Variants in TLE1 observed in about 807,000 individuals in gnomAD.
TLE1 encodes TLE family member 1, transcriptional corepressor.
In TLE1, 21 loss-of-function variants were observed where a neutral mutation model predicts 89.8. The observed-to-expected ratio is 0.23, with a 90% CI of 0.17 to 0.34. The LOEUF (loss-of-function observed/expected upper bound fraction) is 0.34, where lower values mean the gene tolerates loss of function less well. TLE1 is among the 10% of genes least tolerant of loss of function. The probability of loss-of-function intolerance (pLI) is 1.00; values close to 1 mark genes in which losing one functional copy is unlikely to be tolerated. For missense variants in TLE1, 795 were observed against 1,031.2 expected, an observed-to-expected ratio of 0.77 and a Z score of 3.14; for synonymous variants, 447 against 407.6, an observed-to-expected ratio of 1.10 and a Z score of -1.16.
intron 14 of TLE1, chr9:81,599,801 C>A (rs1830677615): frequency 3.2e-6 from 1 of 314,890 alleles, no homozygotes; most frequent in African/African-American, 2.1e-5. Context: ...TCTGTGTTAA[C>A]GGAGGGCTTT....
At chr9:81,678,578 G>A (rs914833412) in intron 4 of TLE1, among the ~76,000 whole-genome samples, 3 of 152,054 alleles carry the variant, frequency 2.0e-5, no homozygotes, top group Admixed American at 2.0e-4. Context: ...ACTTTGGGAG[G>A]CTGAGGCACG....
chr9:81,672,722 C>T (rs909071933), intron 4 of TLE1, among the ~76,000 whole-genome samples: 2 of 152,076 alleles, frequency 1.3e-5, no homozygotes, highest in Middle Eastern at 3.2e-3. Flanking sequence ...TAATTCCATA[C>T]CCTGCTTGTT....
intron 8 of TLE1, 34 bp downstream of exon 8, chr9:81,633,305 GTGTGTGTGT>G (rs1464240624): frequency 1.3e-6 from 2 of 1,584,272 alleles, no homozygotes; most frequent in Non-Finnish European, 1.7e-6. Flanking sequence ...GTGTGTGTGT[GTGTGTGTGT>G]GTGTGTGTGT....
intron 8 of TLE1, chr9:81,620,758 C>T: frequency 1.0e-6 from 1 of 985,098 alleles, no homozygotes; most frequent in East Asian, 1.1e-4. Flanking sequence ...ACTTTGCAAT[C>T]AAACCATCCA....
chr9:81,661,198 ATGTATT>A (rs970549688), intron 4 of TLE1, among the ~76,000 whole-genome samples: 10 of 50,486 alleles, frequency 2.0e-4, no homozygotes, highest in Non-Finnish European at 4.0e-4. Context: ...TTATATATAT[ATGTATT>A]TTTATATATA....
rs752204237 is a variant in TLE1 at position 81,616,022 on chromosome 9, G to A, written c.878C>T (p.Ser293Leu). 1.4e-5 allele frequency: 22 copies of A among 1,613,670 alleles called. No individual in the cohort carries two copies. The highest frequency in any genetic ancestry group is 2.2e-5 in the East Asian group (1 of 44,880). ...GGATTTCAAAGAAGTGGAACTTGCC[G>A]AGGAGGCCGTGGAAGCTGGACTGCT... Reference protein sequence around the residue: ...ASSSPASTASSASSTSLKSKE... With the variant: ...ASSSPASTASLASSTSLKSKE... The change falls in exon 11 of 20, where the codon TCG becomes TTG. Residue 293 changes from serine to leucine, a missense_variant. Physicochemically the swap from Ser to Leu is moderately radical, Grantham distance 145. Transcript: ENST00000376499.
At chr9:81,607,022 G>A (rs1272260694) in intron 14 of TLE1, among the ~76,000 whole-genome samples, 2 of 144,464 alleles carry the variant, frequency 1.4e-5, no homozygotes, top group African/African-American at 5.2e-5. Flanking sequence ...CCAGGAGTTT[G>A]AAACCAGCCT....
At chr9:81,606,850 T>C (rs771689269) in intron 14 of TLE1, among the ~76,000 whole-genome samples, 1 of 150,944 alleles carries the variant, frequency 6.6e-6, no homozygotes, top group Admixed American at 6.6e-5. Flanking sequence ...CTGGCAACAA[T>C]GGCAAAGTTC....
At chr9:81,648,776 C>G (rs1829182921) in intron 6 of TLE1, among the ~76,000 whole-genome samples, 1 of 152,110 alleles carries the variant, frequency 6.6e-6, no homozygotes, top group Non-Finnish European at 1.5e-5. Flanking sequence ...CATTTAATAA[C>G]CAATTTTGTT....
chr9:81,624,579 A>G (rs536040813), intron 8 of TLE1, among the ~76,000 whole-genome samples: 2 of 152,280 alleles, frequency 1.3e-5, no homozygotes, highest in South Asian at 2.1e-4. Flanking sequence ...TTTGATCAAC[A>G]TGAGAACCAG....
intron 15 of TLE1, among the ~76,000 whole-genome samples, chr9:81,591,964 G>C (rs1234505475): frequency 2.0e-5 from 3 of 152,240 alleles, no homozygotes; most frequent in Non-Finnish European, 2.9e-5. Context: ...CAACAGCAGA[G>C]TGCAGGCAGA....
intron 8 of TLE1, among the ~76,000 whole-genome samples, chr9:81,630,314 T>C (rs952765973): frequency 3.3e-5 from 5 of 152,290 alleles, no homozygotes; most frequent in Middle Eastern, 3.4e-3. Context: ...CCAGCTATCC[T>C]CTTTAAAACT....
At position 81,676,557 on chromosome 9, in the gene TLE1, AGGAT is replaced by A. The variant is rs1832927884; in HGVS notation, c.234+9115_234+9118del. 2.0e-5 allele frequency among the ~76,000 whole-genome samples: 3 copies of A among 152,234 alleles called. No homozygotes were observed. In the South Asian group the frequency reaches 6.2e-4, roughly 32 times the overall value. On this transcript the variant is annotated intron_variant, in intron 4 of 19. Transcript: ENST00000376499. ...TTCAGCAAGAAGAGGCCTATTTGGCAGGATAAAAGGAAATGCAGGAAGAGAAAGA... is the reference window on the plus strand; with the variant it reads ...TTCAGCAAGAAGAGGCCTATTTGGCAAAAAGGAAATGCAGGAAGAGAAAGA...
chr9:81,647,999 C>T (rs942374186), intron 6 of TLE1, among the ~76,000 whole-genome samples: 11 of 152,110 alleles, frequency 7.2e-5, no homozygotes, highest in South Asian at 4.1e-4. Context: ...TGGGCAGGCA[C>T]GGTGGCTTAC....
Position 81,616,627 on chromosome 9 carries a change from T to G in TLE1, c.765+19A>C. The G allele has an allele frequency of 6.2e-7, 1 of 1,613,228 alleles. No homozygotes were observed. Among genetic ancestry groups the G allele is most frequent in the Non-Finnish European group, 8.5e-7 (1 of 1,179,536 alleles). On this transcript the variant is annotated intron_variant, in intron 10 of 19. Coordinates refer to ENST00000376499, the MANE Select transcript of TLE1 (RefSeq NM_005077.5). ...TTCAAATCATTCTGAAGACAAACTT[T>G]GATGAAAAGAATGGTTACCTCATTA...
intron 6 of TLE1, among the ~76,000 whole-genome samples, chr9:81,636,051 T>C (rs1827319597): frequency 6.6e-6 from 1 of 152,274 alleles, no homozygotes; most frequent in South Asian, 2.1e-4. Context: ...TTATAAACTT[T>C]CATTCTTTTC....
At chr9:81,643,545 G>A (rs1828438988) in intron 6 of TLE1, among the ~76,000 whole-genome samples, 1 of 151,606 alleles carries the variant, frequency 6.6e-6, no homozygotes, top group African/African-American at 2.4e-5. Context: ...CCTTTGTTTT[G>A]TTTTCTTAGA....
intron 6 of TLE1, among the ~76,000 whole-genome samples, chr9:81,649,588 A>G (rs1167977245): frequency 1.3e-5 from 2 of 152,114 alleles, no homozygotes; most frequent in African/African-American, 4.8e-5. Flanking sequence ...TTAAATTACT[A>G]TTTCTTTTCT....
At chr9:81,626,832 C>T (rs1038194710) in intron 8 of TLE1, among the ~76,000 whole-genome samples, 13 of 152,298 alleles carry the variant, frequency 8.5e-5, no homozygotes, top group African/African-American at 2.9e-4. Flanking sequence ...CCCTTCTACC[C>T]TCCTCCAGGC....
Sources: gnomAD v4.1 joint callset for allele counts (sites outside exome capture counted in the v4.1 genomes callset) on GRCh38, gnomAD v4.1.1 for gene constraint, MANE v1.5 for transcripts, NCBI Gene and HGNC (gene_info 2026-07-23, HGNC 2026-07-21) for gene names.